The following ELF1 variants were observed in gnomAD, a reference collection of about 807,000 sequenced individuals.
ELF1 encodes the protein ETS-related transcription factor Elf-1.
A neutral mutation model predicts 59.9 loss-of-function variants in ELF1; 24 were observed. The observed-to-expected ratio is 0.40, with a 90% CI of 0.29 to 0.56. ELF1 has a LOEUF of 0.56. Ranked by LOEUF, ELF1 falls within the 20% of genes least tolerant of loss-of-function variation. ELF1 has a pLI of 0.44. For missense variants in ELF1, 627 were observed against 742.2 expected (o/e 0.84, Z 1.80); for synonymous variants, 248 against 266.2 (o/e 0.93, Z 0.67).
rs932735161 is a variant in ELF1, at chr13:40,992,851, C to T, written c.-228-10569G>A. The T allele has an allele frequency of 7.2e-6, 4 of 559,168 alleles. No individual in the cohort carries two copies. The Admixed American group carries it at 9.4e-5, about 13-fold the overall frequency. The allele number at this position is 559,168 out of a possible 1,614,324, so 34.6% of individuals were successfully genotyped here. ...ATTTCTGTTGATCACCTCTCTAACTCAAGAATTCTCTAGCTCGAGAATCAA... is the reference window on the plus strand; with the variant it reads ...ATTTCTGTTGATCACCTCTCTAACTTAAGAATTCTCTAGCTCGAGAATCAA... On this transcript the variant is annotated intron_variant, in intron 1 of 8. Coordinates refer to ENST00000239882, the MANE Select transcript of ELF1 (RefSeq NM_172373.4).
intron 4 of ELF1, among the ~76,000 whole-genome samples, chr13:40,950,288 A>G (rs779315280): frequency 2.6e-5 from 4 of 152,182 alleles, no homozygotes; most frequent in African/African-American, 4.8e-5. Context: ...TTAGGGGAAT[A>G]AAAAACAAAA....
intron 1 of ELF1, among the ~76,000 whole-genome samples, chr13:41,011,707 G>A (rs999313944): frequency 1.3e-5 from 2 of 152,096 alleles, no homozygotes; most frequent in African/African-American, 4.8e-5. Flanking sequence ...GCCTCCCAAA[G>A]TGCTGGGATT....
chr13:40,956,571 CAAAAAAAAAAAAAA>C (rs34245662), intron 3 of ELF1, among the ~76,000 whole-genome samples: 3 of 76,146 alleles, frequency 3.9e-5, no homozygotes, highest in Non-Finnish European at 5.4e-5. Flanking sequence ...CAAGAATGAT[CAAAAAAAAAAAAAA>C]AAAAAAAAAG....
At chr13:41,051,995 C>T (rs116504537) in intron 1 of ELF1, among the ~76,000 whole-genome samples, 1,609 of 142,482 alleles carry the variant, frequency 0.011, 33 homozygotes, top group African/African-American at 0.04. Context: ...GGCTAGAGTG[C>T]AATGGCATGA....
In ELF1 at chr13:40,940,921, C is replaced by T; in HGVS notation, c.1256G>A (p.Arg419Lys). 1 of 1,608,464 alleles carries T rather than the reference C, an allele frequency of 6.2e-7. No homozygotes were observed. Among genetic ancestry groups the T allele is most frequent in the Non-Finnish European group, 8.5e-7 (1 of 1,176,682 alleles). Residue 419 changes from arginine (R) to lysine (K), a missense_variant and splice_region_variant, in exon 8 of 9, where the codon AGG becomes AAG. Around this residue, in one of 3 missense-constraint regions of ELF1, gnomAD observed 361 missense variants for 396.1 expected, o/e 0.91. Transcript: ENST00000239882. ...ETLNSSVQSI[R>K]TIQAPTQVPV... ...AGCATCAGTAGTTTGGTTTTCTCAC[C>T]TAATACTCTGAACGGAAGAATTTAA... is the stretch of plus-strand genomic sequence containing the variant.
Position 40,982,095 on chromosome 13 carries a change from A to G in ELF1, c.-41T>C. The G allele has an allele frequency of 6.3e-7, 1 of 1,596,436 alleles. No homozygotes were observed. The highest frequency in any genetic ancestry group is 8.5e-7 in the Non-Finnish European group (1 of 1,172,374). ...TTAGATCCACATGAGAAAAATTCCA[A>G]GAAGATTCACGTATCAGGCAGCAAA... On this transcript the variant is annotated 5_prime_UTR_variant, in exon 2 of 9. Transcript: ENST00000239882.
chr13:40,952,782 T>G (rs1364993097), intron 3 of ELF1, among the ~76,000 whole-genome samples: 1 of 152,130 alleles, frequency 6.6e-6, no homozygotes, highest in Non-Finnish European at 1.5e-5. Flanking sequence ...CATTCCTAGC[T>G]TCAACTATTA....
exon 1 of ELF1, chr13:41,060,900 A>C (rs2138450245): frequency 3.1e-6 from 1 of 324,688 alleles, no homozygotes; most frequent in Non-Finnish European, 5.9e-6. Context: ...CCTCTGCGCT[A>C]CTGAAGCTGC....
intron 1 of ELF1, among the ~76,000 whole-genome samples, chr13:40,989,302 A>T (rs1156854948): frequency 6.6e-6 from 1 of 152,228 alleles, no homozygotes; most frequent in African/African-American, 2.4e-5. Context: ...GGGAAAAAAC[A>T]CAAGTTAATG....
intron 1 of ELF1, among the ~76,000 whole-genome samples, chr13:40,987,452 GGTGA>G (rs990818211): frequency 1.3e-5 from 2 of 150,620 alleles, no homozygotes; most frequent in African/African-American, 4.9e-5. Flanking sequence ...TGGGCATGGT[GGTGA>G]GTGCCTGTAA....
intron 1 of ELF1, chr13:40,992,899 T>G: frequency 1.6e-6 from 1 of 638,514 alleles, no homozygotes; most frequent in Non-Finnish European, 2.8e-6. Flanking sequence ...TTGGTGATAG[T>G]ACAGAAATGT....
At position 40,981,515 on chromosome 13, in the gene ELF1, T is replaced by C. The variant is rs533981326; in HGVS notation, c.72+468A>G. On this transcript the variant is annotated intron_variant, in intron 2 of 8. Coordinates refer to ENST00000239882, the MANE Select transcript of ELF1 (RefSeq NM_172373.4). ...CCCTCATTCTGCAGATGATGAAATC[T>C]AGATCTAGAGAAGTTAAGTAACTTC... Among the ~76,000 whole-genome samples, 4 of 152,264 alleles carry C rather than the reference T, an allele frequency of 2.6e-5. No individual in the cohort carries two copies. In the South Asian group the frequency reaches 8.3e-4, roughly 32 times the overall value.
At chr13:41,051,875 T>C (rs1271184299) in intron 1 of ELF1, among the ~76,000 whole-genome samples, 5 of 152,098 alleles carry the variant, frequency 3.3e-5, no homozygotes, top group African/African-American at 9.7e-5. Context: ...AGAATAGTTA[T>C]TGCTTTTTCA....
At chr13:40,955,487 G>A (rs1313203536) in intron 3 of ELF1, among the ~76,000 whole-genome samples, 21 of 107,526 alleles carry the variant, frequency 2.0e-4, no homozygotes, top group South Asian at 7.2e-4. Context: ...CTGCCCGGCC[G>A]CCCCTACTGG....
intron 1 of ELF1, among the ~76,000 whole-genome samples, chr13:40,995,288 C>A (rs960802448): frequency 1.3e-5 from 2 of 152,174 alleles, no homozygotes; most frequent in African/African-American, 4.8e-5. Context: ...CAACTTACTT[C>A]TCTGACAATT....
chr13:41,038,300 A>G (rs998719325), intron 1 of ELF1, among the ~76,000 whole-genome samples: 8 of 152,148 alleles, frequency 5.3e-5, no homozygotes, highest in Non-Finnish European at 1.2e-4. Context: ...GACAGACAAC[A>G]TGAGCCCAGG....
At chr13:40,993,233 A>G (rs1873957147) in intron 1 of ELF1, 1 of 1,574,578 alleles carries the variant, frequency 6.4e-7, no homozygotes, top group African/African-American at 1.4e-5. Flanking sequence ...CTGCAACAAC[A>G]GCACCAACAA....
chr13:40,943,947 A>G (rs1386416445), intron 5 of ELF1, 22 bp from the exon 6 acceptor site: 2 of 1,608,118 alleles, frequency 1.2e-6, no homozygotes, highest in Non-Finnish European at 1.7e-6. Context: ...ACAGCTCTGC[A>G]TAAATATTTG....
At chr13:40,940,858 C>A in intron 8 of ELF1, 63 bp downstream of exon 8, 3 of 1,489,742 alleles carry the variant, frequency 2.0e-6, no homozygotes, top group Non-Finnish European at 2.7e-6. Context: ...ACCCACTTAA[C>A]AAATAATGTC....
Sources: allele counts gnomAD v4.1 joint callset (sites outside exome capture counted in the v4.1 genomes callset), GRCh38; gene constraint gnomAD v4.1.1; regional missense constraint gnomAD v4.1.1; transcripts MANE v1.5; gene names NCBI Gene and HGNC (gene_info 2026-07-23, HGNC 2026-07-21).